The following PTPRD variants were observed in gnomAD, a reference collection of about 807,000 sequenced individuals.
The protein encoded by PTPRD is protein tyrosine phosphatase receptor type D.
Under a neutral mutation model 214.5 loss-of-function variants are expected in PTPRD, and 34 were observed. That is an observed-to-expected ratio of 0.16 (90% CI 0.12 to 0.21). The LOEUF (loss-of-function observed/expected upper bound fraction) is 0.21, where lower values mean the gene tolerates loss of function less well. PTPRD is among the 10% of genes least tolerant of loss of function. PTPRD has a pLI of 1.00. For missense variants in PTPRD, 2,545 were observed against 2,398.7 expected (o/e 1.06, Z -1.27); for synonymous variants, 1,128 against 845.7 (o/e 1.33, Z -5.79).
intron 2 of PTPRD, among the ~76,000 whole-genome samples, chr9:10,453,569 G>T (rs1009504470): frequency 6.6e-6 from 1 of 151,474 alleles, no homozygotes; most frequent in Non-Finnish European, 1.5e-5. Flanking sequence ...TCTTGCAAAT[G>T]AGATTGCTTT....
chr9:8,403,911 C>T (rs1180485436), intron 36 of PTPRD, among the ~76,000 whole-genome samples: 4 of 152,106 alleles, frequency 2.6e-5, no homozygotes, highest in Non-Finnish European at 5.9e-5. Context: ...ATCACCTGTT[C>T]ATTCATAACA....
At chr9:8,532,823 C>A (rs1027042843) in intron 14 of PTPRD, among the ~76,000 whole-genome samples, 1 of 151,878 alleles carries the variant, frequency 6.6e-6, no homozygotes. Flanking sequence ...CTATAATAGA[C>A]CTGGAAATAT....
At chr9:9,230,265 G>A (rs2099962271) in intron 9 of PTPRD, among the ~76,000 whole-genome samples, 1 of 152,074 alleles carries the variant, frequency 6.6e-6, no homozygotes, top group African/African-American at 2.4e-5. Flanking sequence ...AGAGGAGGTA[G>A]GTAGGAGAAA....
intron 9 of PTPRD, among the ~76,000 whole-genome samples, chr9:9,221,707 C>T (rs924753738): frequency 1.8e-4 from 27 of 152,006 alleles, no homozygotes; most frequent in Admixed American, 6.6e-5. Flanking sequence ...AATACAGTTA[C>T]ATTGGGTGTT....
intron 11 of PTPRD, among the ~76,000 whole-genome samples, chr9:8,787,879 A>T (rs1260787809): frequency 7.2e-6 from 1 of 139,614 alleles, no homozygotes; most frequent in Non-Finnish European, 1.5e-5. Flanking sequence ...TATAATTTCA[A>T]CCTCTAGAAA....
intron 12 of PTPRD, among the ~76,000 whole-genome samples, chr9:8,688,174 A>C (rs1411022589): frequency 6.6e-6 from 1 of 152,142 alleles, no homozygotes; most frequent in Non-Finnish European, 1.5e-5. Flanking sequence ...ATGTATTTTT[A>C]TTTTTCCTTC....
intron 39 of PTPRD, among the ~76,000 whole-genome samples, chr9:8,374,966 G>T (rs1007958357): frequency 1.3e-5 from 2 of 151,816 alleles, no homozygotes; most frequent in Non-Finnish European, 2.9e-5. Context: ...ATAATATGGG[G>T]TATGAAAGAG....
chr9:10,299,757 C>A (rs1429830063), intron 3 of PTPRD, among the ~76,000 whole-genome samples: 1 of 152,112 alleles, frequency 6.6e-6, no homozygotes, highest in Non-Finnish European at 1.5e-5. Flanking sequence ...ATAATACAGT[C>A]AAGCAAACTA....
chr9:10,143,059 G>C (rs2098997654), intron 3 of PTPRD, among the ~76,000 whole-genome samples: 1 of 152,138 alleles, frequency 6.6e-6, no homozygotes, highest in East Asian at 1.9e-4. Flanking sequence ...TCACTCATAG[G>C]TGGGAATTGA....
chr9:9,516,750 G>T (rs1322853397), intron 8 of PTPRD, among the ~76,000 whole-genome samples: 4 of 149,374 alleles, frequency 2.7e-5, no homozygotes, highest in African/African-American at 9.7e-5. Flanking sequence ...GTTGGCCAAG[G>T]TGGTCTCAAT....
rs941040924 is a variant in PTPRD at position 9,270,591 on chromosome 9, G to C, written c.-202-87228C>G. On this transcript the variant is annotated intron_variant, in intron 9 of 45. Coordinates refer to ENST00000381196, the MANE Select transcript of PTPRD (RefSeq NM_002839.4). Reference sequence around the variant, plus strand: ...TGGTGAGTTAGGAAAGATCAGGTCAGGGCAAGGATTCCAGGAAAAATTTGA... The same window carrying C: ...TGGTGAGTTAGGAAAGATCAGGTCACGGCAAGGATTCCAGGAAAAATTTGA... Among the ~76,000 whole-genome samples, 8 of 151,292 alleles carry C rather than the reference G, an allele frequency of 5.3e-5. 1 individual carries two copies. Among genetic ancestry groups the C allele is most frequent in the Admixed American group, 4.0e-4 (6 of 15,132 alleles).
At chr9:9,788,183 C>G (rs2098939859) in intron 5 of PTPRD, among the ~76,000 whole-genome samples, 1 of 151,936 alleles carries the variant, frequency 6.6e-6, no homozygotes, top group Non-Finnish European at 1.5e-5. Context: ...TTGTTTTATA[C>G]ACATATGAAT....
intron 7 of PTPRD, among the ~76,000 whole-genome samples, chr9:9,586,219 T>C (rs1405696232): frequency 6.6e-6 from 1 of 152,006 alleles, no homozygotes; most frequent in African/African-American, 2.4e-5. Context: ...TACAGGGCCA[T>C]CCCTCAACAC....
chr9:9,720,109 C>G (rs1016043440), intron 7 of PTPRD, among the ~76,000 whole-genome samples: 8 of 152,126 alleles, frequency 5.3e-5, no homozygotes, highest in Non-Finnish European at 8.8e-5. Flanking sequence ...AAAACTCAAG[C>G]AGAGGTGCTG....
chr9:9,686,547 C>T (rs977700250), intron 7 of PTPRD, among the ~76,000 whole-genome samples: 1 of 151,492 alleles, frequency 6.6e-6, no homozygotes, highest in South Asian at 2.1e-4. Flanking sequence ...GAAGTCCAAA[C>T]AGTGGTCACC....
chr9:9,247,316 T>C (rs1208271162), intron 9 of PTPRD, among the ~76,000 whole-genome samples: 2 of 152,070 alleles, frequency 1.3e-5, no homozygotes, highest in African/African-American at 4.8e-5. Flanking sequence ...ATTCCATTTG[T>C]GTCCAATCAC....
At chr9:8,877,123 C>T (rs541166180) in intron 11 of PTPRD, among the ~76,000 whole-genome samples, 4 of 152,056 alleles carry the variant, frequency 2.6e-5, no homozygotes, top group South Asian at 2.1e-4. Flanking sequence ...GATGGGGTTT[C>T]GCTATGTTGG....
chr9:9,066,554 C>G (rs77583950), intron 10 of PTPRD, among the ~76,000 whole-genome samples: 2 of 128,646 alleles, frequency 1.6e-5, no homozygotes, highest in African/African-American at 5.0e-5. Flanking sequence ...CCAACAACAA[C>G]AACAACAAAA....
intron 8 of PTPRD, among the ~76,000 whole-genome samples, chr9:9,398,591 C>A (rs1229127588): frequency 6.6e-6 from 1 of 151,876 alleles, no homozygotes; most frequent in Non-Finnish European, 1.5e-5. Context: ...AACAAAACTT[C>A]TTAGTTTAAC....
Sources: allele counts gnomAD v4.1 joint callset (sites outside exome capture counted in the v4.1 genomes callset), GRCh38; gene constraint gnomAD v4.1.1; transcripts MANE v1.5; gene names NCBI Gene and HGNC (gene_info 2026-07-23, HGNC 2026-07-21).